ROPN1L: variants seen among roughly 807,000 people sequenced by gnomAD.
The protein encoded by ROPN1L is rhophilin associated tail protein 1 like.
Under a neutral mutation model 22.7 loss-of-function variants are expected in ROPN1L, and 23 were observed. That is an observed-to-expected ratio of 1.01 (90% CI 0.73 to 1.43). ROPN1L has a LOEUF of 1.43. Among genes scored for constraint, ROPN1L ranks in the 40% most tolerant of loss-of-function variants. The pLI, the probability that ROPN1L is intolerant of heterozygous loss-of-function variation, is 0.00. For missense variants in ROPN1L, 271 were observed against 291.5 expected, an observed-to-expected ratio of 0.93 and a Z score of 0.51; for synonymous variants, 116 against 117.8, an observed-to-expected ratio of 0.98 and a Z score of 0.10.
intron 1 of ROPN1L, among the ~76,000 whole-genome samples, chr5:10,443,674 C>T (rs187415526): frequency 3.3e-5 from 5 of 152,138 alleles, no homozygotes; most frequent in African/African-American, 1.2e-4. Context: ...TTCTGGAGGC[C>T]AGAAGTCCAA....
chr5:10,444,950 A>G (rs953808225), intron 1 of ROPN1L, among the ~76,000 whole-genome samples: 4 of 152,080 alleles, frequency 2.6e-5, no homozygotes, highest in African/African-American at 9.7e-5. Context: ...CGAATGTACC[A>G]TGCTACTAAT....
downstream of ROPN1L, among the ~76,000 whole-genome samples, chr5:10,466,785 C>T (rs561751581): frequency 3.9e-5 from 6 of 152,208 alleles, no homozygotes; most frequent in South Asian, 6.2e-4. Flanking sequence ...TGAGGGCTGC[C>T]AGAACGAAGC....
chr5:10,459,408 CAGA>C (rs1459411284), intron 3 of ROPN1L, among the ~76,000 whole-genome samples: 4 of 152,096 alleles, frequency 2.6e-5, no homozygotes, highest in Non-Finnish European at 5.9e-5. Context: ...CACACATCGG[CAGA>C]AGGACTCCTT....
downstream of ROPN1L, among the ~76,000 whole-genome samples, chr5:10,476,847 A>G (rs559326982): frequency 4.7e-4 from 72 of 152,378 alleles, no homozygotes; most frequent in African/African-American, 1.7e-3. Flanking sequence ...TTTTAAAGAG[A>G]CGAAATGGAG....
chr5:10,442,417 G>C, intron 1 of ROPN1L, 119 bp downstream of exon 1: 1 of 1,298,004 alleles, frequency 7.7e-7, no homozygotes, highest in Non-Finnish European at 1.1e-6. Context: ...AGAGTATCAG[G>C]CAAAACTTTC....
chr5:10,465,626 G>A (rs1452106718), downstream of ROPN1L, among the ~76,000 whole-genome samples: 1 of 152,008 alleles, frequency 6.6e-6, no homozygotes. Context: ...AAGGTGGGAG[G>A]ATCACTTGAG....
downstream of ROPN1L, among the ~76,000 whole-genome samples, chr5:10,473,155 G>A (rs1243203607): frequency 6.6e-6 from 1 of 152,168 alleles, no homozygotes; most frequent in Non-Finnish European, 1.5e-5. Context: ...CTTTTCCCTG[G>A]TTGTAGTCAG....
chr5:10,466,484 G>C (rs550207887), downstream of ROPN1L, among the ~76,000 whole-genome samples: 4 of 152,170 alleles, frequency 2.6e-5, no homozygotes, highest in Non-Finnish European at 5.9e-5. Context: ...GACGAGTTTT[G>C]TAAGCCCGAG....
Position 10,461,270 on chromosome 5 carries a change from T to C in ROPN1L, c.504T>C (p.Phe168=). 1 of 1,614,166 alleles carries C rather than the reference T, an allele frequency of 6.2e-7. No individual in the cohort carries two copies. Among genetic ancestry groups the C allele is most frequent in the Non-Finnish European group, 8.5e-7 (1 of 1,180,040 alleles). Reference sequence around the variant, plus strand: ...CCGCTCGCATCCCCTTCAAGACGTTTTCCTACGTTTACCGCTACTTGGCCA... The same window carrying C: ...CCGCTCGCATCCCCTTCAAGACGTTCTCCTACGTTTACCGCTACTTGGCCA... ...GGPARIPFKT[F]SYVYRYLARL... Residue 168 remains phenylalanine, a synonymous_variant, in exon 4 of 5, where the codon TTT becomes TTC. Transcript: ENST00000274134.
chr5:10,442,217 C>A lies in ROPN1L; in HGVS notation c.50C>A (p.Pro17Gln). 1 of 1,613,840 alleles carries A rather than the reference C, an allele frequency of 6.2e-7. No individual in the cohort carries two copies. The highest frequency in any genetic ancestry group is 8.5e-7 in the Non-Finnish European group (1 of 1,179,900). Residue 17 changes from proline to glutamine, a missense_variant, in exon 1 of 5, where the codon CCG (proline) becomes CAG (glutamine). By Grantham distance (76) the Pro-to-Gln change is moderately conservative. Coordinates refer to ENST00000274134, the MANE Select transcript of ROPN1L (RefSeq NM_031916.5). ...MFCAQQIHIP[P>Q]ELPDILKQFT... is the part of the protein sequence containing the mutation. ...TGCGCTCAGCAGATCCACATTCCCCCGGAGCTGCCGGACATCCTGAAGCAA... is the reference window on the plus strand; with the variant it reads ...TGCGCTCAGCAGATCCACATTCCCCAGGAGCTGCCGGACATCCTGAAGCAA...
At chr5:10,465,467 A>G (rs371224552), downstream of ROPN1L, among the ~76,000 whole-genome samples, 1,444 of 151,488 alleles carry the variant, frequency 9.5e-3, 21 homozygotes, top group African/African-American at 0.033. Context: ...GTGAGCCGAG[A>G]TCGCGCCACT....
chr5:10,455,899 A>G (rs908832793), intron 3 of ROPN1L, among the ~76,000 whole-genome samples: 3 of 65,254 alleles, frequency 4.6e-5, no homozygotes, highest in African/African-American at 9.0e-5. Context: ...TCCAGTCTCT[A>G]CCCCCAGCAC....
At chr5:10,453,215 C>T (rs894451336) in intron 3 of ROPN1L, among the ~76,000 whole-genome samples, 1 of 152,222 alleles carries the variant, frequency 6.6e-6, no homozygotes, top group Non-Finnish European at 1.5e-5. Flanking sequence ...TCTCCTCCCT[C>T]AGAGGAGCGT....
chr5:10,478,449 G>C, the ROPN1L span, among the ~76,000 whole-genome samples: 9 of 152,280 alleles, frequency 5.9e-5, no homozygotes, highest in South Asian at 1.9e-3. Context: ...TTGATTGGCA[G>C]GGCCACACTT....
intron 3 of ROPN1L, among the ~76,000 whole-genome samples, chr5:10,459,744 C>T (rs1445717690): frequency 6.6e-6 from 1 of 152,192 alleles, no homozygotes; most frequent in East Asian, 1.9e-4. Context: ...TGTCATCCTC[C>T]ACCCCGGCAC....
chr5:10,473,169 AATAGT>A (rs1735274875), downstream of ROPN1L, among the ~76,000 whole-genome samples: 1 of 152,210 alleles, frequency 6.6e-6, no homozygotes, highest in Non-Finnish European at 1.5e-5. Context: ...TAGTCAGTTG[AATAGT>A]GAGTGACTCC....
At chr5:10,476,303 T>G (rs1238533220), downstream of ROPN1L, among the ~76,000 whole-genome samples, 1 of 152,218 alleles carries the variant, frequency 6.6e-6, no homozygotes, top group Non-Finnish European at 1.5e-5. Flanking sequence ...CCAGACCATT[T>G]AGGTAAAGAA....
downstream of ROPN1L, among the ~76,000 whole-genome samples, chr5:10,475,683 G>T (rs1253627329): frequency 6.6e-6 from 1 of 152,184 alleles, no homozygotes; most frequent in Non-Finnish European, 1.5e-5. Context: ...TAAGAGACTG[G>T]GTTCCAGACC....
chr5:10,463,037 C>T (rs746624382), intron 4 of ROPN1L, among the ~76,000 whole-genome samples: 17 of 152,196 alleles, frequency 1.1e-4, no homozygotes, highest in Non-Finnish European at 2.4e-4. Flanking sequence ...TTTGCAGAAA[C>T]TTGAGGATGT....
Sources: allele counts gnomAD v4.1 joint callset (sites outside exome capture counted in the v4.1 genomes callset), GRCh38; gene constraint gnomAD v4.1.1; transcripts MANE v1.5; gene names NCBI Gene and HGNC (gene_info 2026-07-23, HGNC 2026-07-21).